The following GNAO1 variants were observed in gnomAD, a reference collection of about 807,000 sequenced individuals.
GNAO1 encodes the protein G protein subunit alpha o1.
For missense variants in GNAO1, 166 were observed against 478.7 expected (o/e 0.35, Z 6.10); for synonymous variants, 164 against 180.7 (o/e 0.91, Z 0.74).
intron 3 of GNAO1, chr16:56,300,512 A>G (rs1423943034): frequency 2.6e-5 from 4 of 152,204 alleles, no homozygotes; most frequent in Admixed American, 1.3e-4. Context: ...TAACACCCTG[A>G]GAAGTTGGGA....
At chr16:56,287,494 T>C (rs1307821153) in intron 3 of GNAO1, among the ~76,000 whole-genome samples, 1 of 152,184 alleles carries the variant, frequency 6.6e-6, no homozygotes, top group Admixed American at 6.5e-5. Context: ...AAAGAAATGA[T>C]GCATGTTAAC....
In GNAO1 at chr16:56,351,193, G is replaced by T. The variant is rs568597817; in HGVS notation, c.724-191G>T. 2.6e-5 allele frequency among the ~76,000 whole-genome samples: 4 copies of T among 152,144 alleles called. No individual in the cohort carries two copies. The highest frequency in any genetic ancestry group is 2.9e-5 in the Non-Finnish European group (2 of 68,012). On this transcript the variant is annotated intron_variant, in intron 6 of 8. Transcript: ENST00000262493. The surrounding 1 kb of genome is among the most constrained non-coding windows in gnomAD (Gnocchi z 6.1). ...TCTCTGCCTCTGGCCCCGACATGAC[G>T]GGTTCTCCGGAAGCAGGGAATGAGA...
chr16:56,320,561 T>A (rs2037560361), intron 3 of GNAO1, among the ~76,000 whole-genome samples: 1 of 152,176 alleles, frequency 6.6e-6, no homozygotes, highest in Admixed American at 6.5e-5. Context: ...GGAGCAGCAC[T>A]AAAAGTCCAA....
At chr16:56,304,840 A>G (rs1478616019) in intron 3 of GNAO1, among the ~76,000 whole-genome samples, 1 of 152,252 alleles carries the variant, frequency 6.6e-6, no homozygotes, top group Non-Finnish European at 1.5e-5. Context: ...CTACACGTGC[A>G]GTCTGCACAG....
chr16:56,321,746 C>A (rs1487424641), intron 3 of GNAO1, among the ~76,000 whole-genome samples: 1 of 152,172 alleles, frequency 6.6e-6, no homozygotes, highest in African/African-American at 2.4e-5. Flanking sequence ...CAGAGAGGAG[C>A]GGGCAGGCCT....
chr16:56,335,649 G>T (rs2037733274), intron 5 of GNAO1, among the ~76,000 whole-genome samples: 1 of 152,170 alleles, frequency 6.6e-6, no homozygotes, highest in Non-Finnish European at 1.5e-5. Flanking sequence ...CCGCAGATCT[G>T]GGGAGCAAAA....
At chr16:56,299,387 T>G (rs2037319817) in intron 3 of GNAO1, among the ~76,000 whole-genome samples, 1 of 152,240 alleles carries the variant, frequency 6.6e-6, no homozygotes, top group South Asian at 2.1e-4. Context: ...CTGCTGCGTC[T>G]AACTCTCTCA....
intron 2 of GNAO1, among the ~76,000 whole-genome samples, chr16:56,234,207 C>T (rs2036616220): frequency 6.6e-6 from 1 of 152,232 alleles, no homozygotes; most frequent in East Asian, 1.9e-4. Context: ...GAGGTGACAC[C>T]CCAAGGAGAG....
intron 3 of GNAO1, among the ~76,000 whole-genome samples, chr16:56,315,683 C>G (rs1048000401): frequency 1.3e-5 from 2 of 152,090 alleles, no homozygotes; most frequent in Admixed American, 1.3e-4. Flanking sequence ...TCCTGGTGGT[C>G]AGAAGCCTTG....
chr16:56,227,998 C>T (rs1035141538), intron 2 of GNAO1, among the ~76,000 whole-genome samples: 14 of 152,102 alleles, frequency 9.2e-5, no homozygotes, highest in Admixed American at 4.6e-4. Flanking sequence ...TCCCTTGGAC[C>T]GAGAAGCCTC....
intron 2 of GNAO1, among the ~76,000 whole-genome samples, chr16:56,252,312 C>T (rs2036806821): frequency 6.6e-6 from 1 of 152,210 alleles, no homozygotes; most frequent in Non-Finnish European, 1.5e-5. Flanking sequence ...GGCTGGCCCC[C>T]TAGATGCCAG....
chr16:56,332,433 A>C (rs1464413416), intron 4 of GNAO1, among the ~76,000 whole-genome samples: 1 of 151,928 alleles, frequency 6.6e-6, no homozygotes, highest in East Asian at 1.9e-4. Flanking sequence ...ACCACCCTGC[A>C]TCAAATAGCA....
At chr16:56,257,722 C>T (rs1242785998) in intron 2 of GNAO1, among the ~76,000 whole-genome samples, 1 of 152,240 alleles carries the variant, frequency 6.6e-6, no homozygotes, top group Non-Finnish European at 1.5e-5. Context: ...TAGCACTTTT[C>T]CTTCTTACCA....
At chr16:56,259,854 T>C (rs1165760652) in intron 2 of GNAO1, among the ~76,000 whole-genome samples, 4 of 152,216 alleles carry the variant, frequency 2.6e-5, no homozygotes, top group African/African-American at 9.7e-5. Context: ...TTTACCCTTT[T>C]TCACAGTTGG....
rs1442461041 is a variant in GNAO1 at position 56,351,821 on chromosome 16, T to G, written c.877+284T>G. 1 of 364,980 alleles carries G rather than the reference T, an allele frequency of 2.7e-6. No homozygotes were observed. Among genetic ancestry groups the G allele is most frequent in the Non-Finnish European group, 5.0e-6 (1 of 198,430 alleles). The allele number at this position is 364,980 out of a possible 1,614,324, so 22.6% of individuals were successfully genotyped here. A position where few individuals can be genotyped will look rare whatever the true frequency, so the allele number is the denominator to read the frequency against. On this transcript the variant is annotated intron_variant, in intron 7 of 8. Coordinates refer to ENST00000262493, the MANE Select transcript of GNAO1 (RefSeq NM_020988.3). This position sits in a 1 kb window ranked among gnomAD's most constrained non-coding sequence, Gnocchi z 6.1. Reference sequence around the variant, plus strand: ...AGGGGGCAGGACAGGATCACAGGCTTCCCCCTTCCTCCTGGTCACCCTCTA... The same window carrying G: ...AGGGGGCAGGACAGGATCACAGGCTGCCCCCTTCCTCCTGGTCACCCTCTA...
At chr16:56,196,146 T>A (rs1217330933) in intron 2 of GNAO1, among the ~76,000 whole-genome samples, 1 of 151,922 alleles carries the variant, frequency 6.6e-6, no homozygotes, top group East Asian at 1.9e-4. Flanking sequence ...TCCCCCCCCC[T>A]TGTGTGTGTG....
chr16:56,351,278 A>T lies in GNAO1; in HGVS notation c.724-106A>T. 1.4e-6 allele frequency: 1 copy of T among 734,286 alleles called. No individual in the cohort carries two copies. The highest frequency in any genetic ancestry group is 2.3e-6 in the Non-Finnish European group (1 of 437,442). The allele number at this position is 734,286 out of a possible 1,614,324, so 45.5% of individuals were successfully genotyped here. A position where few individuals can be genotyped will look rare whatever the true frequency, so the allele number is the denominator to read the frequency against. ...TGGCAGCCTCTCGGAGGAGCTGCCG[A>T]GTAGCCCAGTCCCTCTCTGTCAAGC... On this transcript the variant is annotated intron_variant, in intron 6 of 8. Transcript: ENST00000262493. This position sits in a 1 kb window ranked among gnomAD's most constrained non-coding sequence, Gnocchi z 6.1.
intron 2 of GNAO1, among the ~76,000 whole-genome samples, chr16:56,245,086 G>A (rs1483573288): frequency 6.6e-6 from 1 of 152,056 alleles, no homozygotes; most frequent in African/African-American, 2.4e-5. Context: ...TAGAGTCTTA[G>A]GATAGCTGAG....
chr16:56,228,221 T>C (rs1163881232), intron 2 of GNAO1, among the ~76,000 whole-genome samples: 1 of 152,098 alleles, frequency 6.6e-6, no homozygotes, highest in East Asian at 1.9e-4. Flanking sequence ...GAAGAAGGCT[T>C]CCCCAGGCTT....
Sources: gnomAD v4.1 joint callset for allele counts (sites outside exome capture counted in the v4.1 genomes callset) on GRCh38, gnomAD v4.1.1 for gene constraint, Gnocchi (gnomAD v3.1) non-coding constraint, MANE v1.5 for transcripts, NCBI Gene and HGNC (gene_info 2026-07-23, HGNC 2026-07-21) for gene names.